The following HELZ variants were observed in gnomAD, a reference collection of about 807,000 sequenced individuals.
HELZ encodes helicase with zinc finger, also known as ATP-dependent RNA helicase with zinc finger domain.
Under a neutral mutation model 218.2 loss-of-function variants are expected in HELZ, and 23 were observed. The observed-to-expected ratio is 0.11, with a 90% confidence interval of 0.08 to 0.15. The LOEUF is 0.15. HELZ is among the 10% of genes least tolerant of loss of function. The pLI is 1.00. For synonymous variants in HELZ, 814 were observed against 829.4 expected (o/e 0.98, Z 0.32); for missense variants, 1,813 against 2,353.7 (o/e 0.77, Z 4.75).
At chr17:67,173,981 G>A (rs2039382346) in intron 13 of HELZ, among the ~76,000 whole-genome samples, 1 of 152,210 alleles carries the variant, frequency 6.6e-6, no homozygotes, top group South Asian at 2.1e-4. Context: ...CTTTGAAAAT[G>A]TATCTCTTAA....
chr17:67,117,359 C>A (rs752675019), intron 27 of HELZ, among the ~76,000 whole-genome samples: 14 of 152,036 alleles, frequency 9.2e-5, no homozygotes, highest in Non-Finnish European at 2.1e-4. Context: ...GCAACTAAAG[C>A]ACCTTTCTAA....
intron 21 of HELZ, among the ~76,000 whole-genome samples, chr17:67,143,714 A>G (rs977295607): frequency 1.3e-5 from 2 of 152,136 alleles, no homozygotes; most frequent in East Asian, 1.9e-4. Flanking sequence ...ACTGTGGGAT[A>G]TAAGTTCAGA....
intron 20 of HELZ, among the ~76,000 whole-genome samples, chr17:67,146,836 G>A (rs758357472): frequency 3.9e-5 from 6 of 152,142 alleles, no homozygotes; most frequent in African/African-American, 7.2e-5. Context: ...TTTTTATAGT[G>A]TAAGTTTCTG....
At chr17:67,195,852 CT>C (rs1238942016) in intron 7 of HELZ, among the ~76,000 whole-genome samples, 247 of 84,836 alleles carry the variant, frequency 2.9e-3, no homozygotes, top group African/African-American at 6.8e-3. Flanking sequence ...TTTTTTTTTT[CT>C]TTTTTTTTTT....
Position 67,245,159 on chromosome 17 carries a change from T to C in HELZ, c.-143A>G, listed in dbSNP as rs1217567436. 1.0e-6 allele frequency: 1 copy of C among 985,018 alleles called. No homozygotes were observed. Among genetic ancestry groups the C allele is most frequent in the African/African-American group, 1.7e-5 (1 of 57,144 alleles). 61.0% of individuals were successfully genotyped at this position (985,018 alleles called of 1,614,324 possible). A position where few individuals can be genotyped will look rare whatever the true frequency, so the allele number is the denominator to read the frequency against. On this transcript the variant is annotated 5_prime_UTR_variant, in exon 1 of 33. Transcript: ENST00000358691. Reference sequence around the variant, plus strand: ...AAGTCAGGACTTACCTGTCATTACTTTCTACGCCATCTTGGATCCACTTGT... The same window carrying C: ...AAGTCAGGACTTACCTGTCATTACTCTCTACGCCATCTTGGATCCACTTGT...
intron 4 of HELZ, among the ~76,000 whole-genome samples, chr17:67,217,180 A>C (rs1598440257): frequency 6.6e-6 from 1 of 151,554 alleles, no homozygotes; most frequent in African/African-American, 2.4e-5. Flanking sequence ...CCCCCACAAA[A>C]CCTCCTCCCC....
intron 31 of HELZ, among the ~76,000 whole-genome samples, chr17:67,095,818 T>C (rs1211403535): frequency 6.6e-6 from 1 of 152,224 alleles, no homozygotes; most frequent in Non-Finnish European, 1.5e-5. Context: ...TATATATTTT[T>C]TGTTCTTAAA....
At chr17:67,134,663 C>T (rs868042379) in intron 23 of HELZ, among the ~76,000 whole-genome samples, 1 of 151,798 alleles carries the variant, frequency 6.6e-6, no homozygotes, top group Non-Finnish European at 1.5e-5. Context: ...TCTTAAAGGT[C>T]CCAAATAGTC....
intron 3 of HELZ, chr17:67,225,101 T>G (rs930530464): frequency 6.8e-5 from 33 of 484,334 alleles, no homozygotes; most frequent in African/African-American, 6.4e-4. Context: ...AAATTACATA[T>G]ATATATAAGC....
intron 21 of HELZ, among the ~76,000 whole-genome samples, chr17:67,138,949 G>T (rs1438807673): frequency 6.6e-6 from 1 of 152,044 alleles, no homozygotes; most frequent in Non-Finnish European, 1.5e-5. Context: ...GGTTTATTTA[G>T]AAAAGAGAGT....
chr17:67,233,302 G>A (rs1245545823), intron 3 of HELZ, among the ~76,000 whole-genome samples: 1 of 152,134 alleles, frequency 6.6e-6, no homozygotes, highest in Non-Finnish European at 1.5e-5. Flanking sequence ...GCAGTGAGCT[G>A]AGATCGCACC....
At chr17:67,166,649 A>G in intron 14 of HELZ, 41 bp from the exon 15 acceptor site, 1 of 1,596,958 alleles carries the variant, frequency 6.3e-7, no homozygotes, top group Non-Finnish European at 8.6e-7. Context: ...GCATGAAAGC[A>G]AACATCAATG....
At chr17:67,200,833 A>C (rs1022792300) in intron 7 of HELZ, 5 of 322,750 alleles carry the variant, frequency 1.5e-5, no homozygotes, top group Non-Finnish European at 2.9e-5. Flanking sequence ...AAAAACTAAA[A>C]TTTCCCAATC....
rs762547482 is a variant in HELZ, at chr17:67,120,470, G to A, written c.3773C>T (p.Pro1258Leu). 1 of 1,613,946 alleles carries A rather than the reference G, an allele frequency of 6.2e-7. No homozygotes were observed. The change falls in exon 27 of 33, where the codon CCT becomes CTT. Residue 1258 changes from proline (P) to leucine (L), a missense_variant. By Grantham distance (98) the Pro-to-Leu change is moderately conservative. Coordinates refer to ENST00000358691, the MANE Select transcript of HELZ (RefSeq NM_014877.4). ...PIPYGLGHHPPVTIGQPQNQH... is the reference protein window; with the variant it reads ...PIPYGLGHHPLVTIGQPQNQH... ...ATTTTGTGGCTGGCCTATGGTGACA[G>A]GTGGGTGATGTCCAAGGCCATAAGG... is the stretch of plus-strand genomic sequence containing the variant.
rs1403420752 is a variant in HELZ, at chr17:67,071,809, G to A, written c.*6443C>T. On this transcript the variant is annotated 3_prime_UTR_variant, in exon 33 of 33. Coordinates refer to ENST00000358691, the MANE Select transcript of HELZ (RefSeq NM_014877.4). ...ATGAATAATTCATGCTGTGTAGGTG[G>A]TAGATCCCCCTAGGCTGTTTTGCAA... is the stretch of plus-strand genomic sequence containing the variant. 1 of 152,454 alleles carries A rather than the reference G, an allele frequency of 6.6e-6. No homozygotes were observed. Among genetic ancestry groups the A allele is most frequent in the Non-Finnish European group, 1.5e-5 (1 of 68,004 alleles). The allele number at this position is 152,454 out of a possible 1,614,324, so 9.4% of individuals were successfully genotyped here.
intron 10 of HELZ, 69 bp from the exon 11 acceptor site, chr17:67,189,765 A>AAAAT: frequency 1.0e-6 from 1 of 983,702 alleles, no homozygotes; most frequent in Admixed American, 1.8e-5. Context: ...TTTAGCATGG[A>AAAAT]AAATAAATGT....
Position 67,136,085 on chromosome 17 carries a change from A to G in HELZ, c.3067T>C (p.Leu1023=), listed in dbSNP as rs781511457. 3 of 1,613,918 alleles carry G rather than the reference A, an allele frequency of 1.9e-6. No homozygotes were observed. The East Asian group carries it at 6.7e-5, about 36-fold the overall frequency. ...EQLLEDSTED[L]DYGFLSNYKL... ...TAGTTAGATAAAAAACCATAATCTA[A>G]GTCCTCTGTGGAATCTTCCAGAAGT... is the stretch of plus-strand genomic sequence containing the variant. Residue 1023 remains leucine, a synonymous_variant, in exon 23 of 33, where the codon TTA becomes CTA. Coordinates refer to ENST00000358691, the MANE Select transcript of HELZ (RefSeq NM_014877.4).
At chr17:67,167,316 A>G in intron 14 of HELZ, 147 bp downstream of exon 14, 1 of 587,724 alleles carries the variant, frequency 1.7e-6, no homozygotes, top group Non-Finnish European at 3.0e-6. Context: ...GGGAGTTACT[A>G]CAGGTGCAAT....
chr17:67,224,017 T>C (rs944091756), intron 3 of HELZ, among the ~76,000 whole-genome samples: 4 of 152,170 alleles, frequency 2.6e-5, no homozygotes, highest in African/African-American at 7.2e-5. Flanking sequence ...AAGCCCACGA[T>C]TTCCCTTCGA....
Sources: gnomAD v4.1 joint callset for allele counts (sites outside exome capture counted in the v4.1 genomes callset) on GRCh38, gnomAD v4.1.1 for gene constraint, MANE v1.5 for transcripts, NCBI Gene and HGNC (gene_info 2026-07-23, HGNC 2026-07-21) for gene names.